Variants in TDRP observed in about 807,000 individuals in gnomAD.
TDRP encodes the protein testis development-related protein.
TDRP carries 12 observed loss-of-function variants against 10.5 expected under a neutral mutation model. That is an observed-to-expected ratio of 1.15 (90% CI 0.73 to 1.86). The LOEUF (loss-of-function observed/expected upper bound fraction) is 1.86, where lower values mean the gene tolerates loss of function less well. Among genes scored for constraint, TDRP ranks in the 40% most tolerant of loss-of-function variants. The pLI is 0.00. For missense variants in TDRP, 353 were observed against 229.2 expected (o/e 1.54, Z -3.49); for synonymous variants, 139 against 95.4 (o/e 1.46, Z -2.67).
chr8:523,850 T>C (rs892822232), intron 1 of TDRP, among the ~76,000 whole-genome samples: 1 of 152,154 alleles, frequency 6.6e-6, no homozygotes, highest in East Asian at 1.9e-4. Flanking sequence ...CATCCCTAGA[T>C]ACATCCAGGG....
chr8:507,362 G>C (rs570681219), intron 1 of TDRP, among the ~76,000 whole-genome samples: 1 of 152,258 alleles, frequency 6.6e-6, no homozygotes, highest in East Asian at 1.9e-4. Context: ...TAGGGAATAA[G>C]ACAGCTGGAA....
intron 1 of TDRP, among the ~76,000 whole-genome samples, chr8:533,730 T>C (rs1802269756): frequency 6.6e-6 from 1 of 152,160 alleles, no homozygotes; most frequent in South Asian, 2.1e-4. Flanking sequence ...CTGTGTCAGT[T>C]CAACTGCTTC....
intron 1 of TDRP, among the ~76,000 whole-genome samples, chr8:528,776 G>A (rs1802104118): frequency 1.3e-5 from 2 of 151,950 alleles, no homozygotes; most frequent in South Asian, 2.1e-4. Context: ...AATAGAATAG[G>A]ATATATACAT....
At chr8:509,902 G>C (rs1218739421) in intron 1 of TDRP, among the ~76,000 whole-genome samples, 1 of 152,182 alleles carries the variant, frequency 6.6e-6, no homozygotes, top group Non-Finnish European at 1.5e-5. Context: ...AAATCACTAA[G>C]CTAAATGGAA....
intron 1 of TDRP, among the ~76,000 whole-genome samples, chr8:517,136 A>T (rs1447747052): frequency 1.3e-5 from 2 of 152,198 alleles, no homozygotes; most frequent in African/African-American, 4.8e-5. Flanking sequence ...AAGAGCATTA[A>T]CATTAAAACA....
At chr8:504,983 C>T (rs961380062) in intron 1 of TDRP, among the ~76,000 whole-genome samples, 12 of 152,106 alleles carry the variant, frequency 7.9e-5, no homozygotes, top group African/African-American at 2.9e-4. Flanking sequence ...CTTCCCACAC[C>T]GTTTTTAACA....
chr8:494,705 A>G, intron 1 of TDRP, 108 bp from the exon 2 acceptor site: 2 of 937,578 alleles, frequency 2.1e-6, no homozygotes, highest in Non-Finnish European at 3.3e-6. Context: ...GAATTGGCAG[A>G]GCTTACATCT....
chr8:514,671 T>C (rs1801707637), intron 1 of TDRP, among the ~76,000 whole-genome samples: 1 of 152,168 alleles, frequency 6.6e-6, no homozygotes, highest in Non-Finnish European at 1.5e-5. Flanking sequence ...AAGCCCTCTC[T>C]CCACTACCAG....
chr8:536,676 G>C (rs1345920798), intron 1 of TDRP, among the ~76,000 whole-genome samples: 1 of 152,168 alleles, frequency 6.6e-6, no homozygotes, highest in Non-Finnish European at 1.5e-5. Flanking sequence ...GTAATATGCT[G>C]AATATATCAA....
At chr8:517,506 C>A (rs1451380673) in intron 1 of TDRP, among the ~76,000 whole-genome samples, 1 of 152,206 alleles carries the variant, frequency 6.6e-6, no homozygotes, top group Admixed American at 6.5e-5. Context: ...TAACCCCAAG[C>A]ATTCCATTCC....
chr8:513,127 A>C (rs1345207376), intron 1 of TDRP, among the ~76,000 whole-genome samples: 1 of 151,554 alleles, frequency 6.6e-6, no homozygotes, highest in Non-Finnish European at 1.5e-5. Flanking sequence ...AAAAAAATAG[A>C]AGAGCAAGGA....
At chr8:503,455 G>A (rs371838616) in intron 1 of TDRP, among the ~76,000 whole-genome samples, 35 of 146,574 alleles carry the variant, frequency 2.4e-4, no homozygotes, top group African/African-American at 7.4e-4. Flanking sequence ...ACCTCAGCAC[G>A]CACCAACACG....
intron 1 of TDRP, among the ~76,000 whole-genome samples, chr8:497,134 G>A (rs1035367657): frequency 6.6e-6 from 1 of 152,216 alleles, no homozygotes; most frequent in African/African-American, 2.4e-5. Context: ...AAGTGTCTTT[G>A]GAACTGGGTA....
rs562956116 is a variant in TDRP at position 517,400 on chromosome 8, C to T, written c.109-22803G>A. On this transcript the variant is annotated intron_variant, in intron 1 of 2. Coordinates refer to ENST00000324079, the MANE Select transcript of TDRP (RefSeq NM_001384899.1). Reference sequence around the variant, plus strand: ...AGAGATTAAACGAAGCATCTGACACCGTTTAAGGTCTGCTAAGAGACATTT... The same window carrying T: ...AGAGATTAAACGAAGCATCTGACACTGTTTAAGGTCTGCTAAGAGACATTT... Among the ~76,000 whole-genome samples, 12 of 152,296 alleles carry T rather than the reference C, an allele frequency of 7.9e-5. No individual in the cohort carries two copies. In the South Asian group the frequency reaches 1.0e-3, roughly 13 times the overall value.
intron 1 of TDRP, among the ~76,000 whole-genome samples, chr8:504,123 G>T (rs1342170804): frequency 6.6e-6 from 1 of 152,198 alleles, no homozygotes. Flanking sequence ...GTCCACCTGA[G>T]CCTGCCCTGG....
chr8:496,652 C>T (rs1044467065), intron 1 of TDRP, among the ~76,000 whole-genome samples: 2 of 152,182 alleles, frequency 1.3e-5, no homozygotes, highest in South Asian at 2.1e-4. Context: ...TTTAAGCTGT[C>T]GTCACCACCT....
rs543556714 is a variant in TDRP, at chr8:497,800, T to C, written c.109-3203A>G. Among the ~76,000 whole-genome samples the C allele has an allele frequency of 3.3e-5, 5 of 152,310 alleles. No individual in the cohort carries two copies. In the East Asian group the frequency reaches 7.7e-4, roughly 24 times the overall value. On this transcript the variant is annotated intron_variant, in intron 1 of 2. Transcript: ENST00000324079. ...GTTTTCTGGGCCAGGCCCAGGGTCCTGCTTCACTGTGCACCTCTGGACATG... is the reference window on the plus strand; with the variant it reads ...GTTTTCTGGGCCAGGCCCAGGGTCCCGCTTCACTGTGCACCTCTGGACATG...
At chr8:535,864 G>C (rs111781730) in intron 1 of TDRP, among the ~76,000 whole-genome samples, 3 of 151,832 alleles carry the variant, frequency 2.0e-5, no homozygotes, top group African/African-American at 7.2e-5. Flanking sequence ...GCAGGTGTGA[G>C]TGTAGGGGTG....
At chr8:540,723 G>T (rs1024642340) in intron 1 of TDRP, among the ~76,000 whole-genome samples, 1 of 146,840 alleles carries the variant, frequency 6.8e-6, no homozygotes, top group Non-Finnish European at 1.5e-5. Context: ...TTTAGTAATA[G>T]TTAAGTGTCC....
Sources: gnomAD v4.1 joint callset for allele counts (sites outside exome capture counted in the v4.1 genomes callset) on GRCh38, gnomAD v4.1.1 for gene constraint, MANE v1.5 for transcripts, NCBI Gene and HGNC (gene_info 2026-07-23, HGNC 2026-07-21) for gene names.